The following SYNE2 variants were observed in gnomAD, a reference collection of about 807,000 sequenced individuals.
SYNE2 encodes nesprin-2.
In SYNE2, 431 loss-of-function variants were observed where a neutral mutation model predicts 856.3. The observed-to-expected ratio is 0.50, with a 90% CI of 0.47 to 0.55. The LOEUF is 0.55. Ranked by LOEUF, SYNE2 falls within the 20% of genes least tolerant of loss-of-function variation. The pLI is 0.00. For missense variants in SYNE2, 8,129 were observed against 8,023.2 expected, an observed-to-expected ratio of 1.01 and a Z score of -0.50; for synonymous variants, 2,923 against 2,872.3, an observed-to-expected ratio of 1.02 and a Z score of -0.56.
intron 19 of SYNE2, among the ~76,000 whole-genome samples, chr14:63,987,954 A>G (rs1257779938): frequency 6.6e-6 from 1 of 152,230 alleles, no homozygotes; most frequent in Non-Finnish European, 1.5e-5. Flanking sequence ...GTTTTTAAAC[A>G]GAGTTGTATT....
Position 64,053,193 on chromosome 14 carries a change from G to A in SYNE2, c.9280G>A (p.Ala3094Thr), listed in dbSNP as rs749855395. 1.2e-6 allele frequency: 2 copies of A among 1,614,008 alleles called. No homozygotes were observed. The highest frequency in any genetic ancestry group is 1.7e-4 in the Middle Eastern group (1 of 6,060). ...AATTTTAAGTCAGAGAATTGAGAAA[G>A]CCAAGTGTTTATGTGATGAGATAAT... The part of the protein sequence containing the change: ...AQILSQRIEK[A>T]KCLCDEIIKK... Residue 3094 changes from alanine to threonine, a missense_variant, in exon 48 of 116, where the codon GCC becomes ACC. Ala to Thr is a moderately conservative substitution (Grantham distance 58). Around this residue, in one of 3 missense-constraint regions of SYNE2, gnomAD observed 5,410 missense variants for 5,284.8 expected, o/e 1.02. Coordinates refer to ENST00000555002, the MANE Select transcript of SYNE2 (RefSeq NM_182914.3).
intron 96 of SYNE2, among the ~76,000 whole-genome samples, chr14:64,181,498 C>A (rs2098458001): frequency 2.0e-5 from 3 of 152,194 alleles, no homozygotes; most frequent in Admixed American, 2.0e-4. Flanking sequence ...GGGATCTTTT[C>A]AGCTTTCACG....
rs141295706 is a variant in SYNE2, at chr14:63,796,692, T to C, written c.-305+34706T>C. Among the ~76,000 whole-genome samples the C allele has an allele frequency of 7.4e-3, 1,126 of 151,634 alleles. 5 individuals carry two copies. Among genetic ancestry groups the C allele is most frequent in the Non-Finnish European group, 0.012 (785 of 67,930 alleles). ...TCTAGTTGTACGGCAGGAGGCAATA[T>C]ATATACAAAAAAGATAATGGGCCTT... On this transcript the variant is annotated intron_variant, in intron 1 of 23. Transcript: ENST00000674003.
chr14:64,170,656 C>T (rs528408785), intron 94 of SYNE2, among the ~76,000 whole-genome samples, 194 bp downstream of exon 94: 51 of 152,248 alleles, frequency 3.3e-4, no homozygotes, highest in Admixed American at 7.8e-4. Flanking sequence ...CCCGATATTA[C>T]CCATTCATCC....
chr14:64,224,437 C>T (rs2098709104), intron 113 of SYNE2, 24 bp from the exon 114 acceptor site: 10 of 1,592,888 alleles, frequency 6.3e-6, no homozygotes, highest in Non-Finnish European at 5.1e-6. Flanking sequence ...TTTCTGTGCT[C>T]AACCTTTGGG....
intron 73 of SYNE2, 85 bp downstream of exon 73, chr14:64,126,892 A>G (rs1459745537): frequency 1.4e-5 from 19 of 1,362,524 alleles, no homozygotes; most frequent in South Asian, 7.2e-5. Context: ...TCCTGGTGAC[A>G]TTTGTTAATA....
rs61987277 is a variant in SYNE2 at position 64,126,489 on chromosome 14, T to C, written c.13707+10T>C. 27,655 of 1,614,110 alleles carry C rather than the reference T, an allele frequency of 0.017. 276 individuals are homozygous for C. The highest frequency in any genetic ancestry group is 0.038 in the African/African-American group (2,819 of 75,022). On this transcript the variant is annotated intron_variant, in intron 72 of 115. Transcript: ENST00000555002. ...GCAGGTGCACTACGAGGTAGGGCAC[T>C]TCTCACGAGCCCATGTGTTGGCCAT...
chr14:64,007,029 C>A lies in SYNE2; in HGVS notation c.4398-14C>A. The A allele has an allele frequency of 1.2e-6, 2 of 1,606,134 alleles. No homozygotes were observed. The highest frequency in any genetic ancestry group is 2.2e-5 in the South Asian group (2 of 90,696). ...ACAGTTGGCTATCAAACTTTTTTCTCATTCATAATCAAGGAAAAAATCATT... is the reference window on the plus strand; with the variant it reads ...ACAGTTGGCTATCAAACTTTTTTCTAATTCATAATCAAGGAAAAAATCATT... On this transcript the variant is annotated splice_polypyrimidine_tract_variant and intron_variant, in intron 30 of 115. Coordinates refer to ENST00000555002, the MANE Select transcript of SYNE2 (RefSeq NM_182914.3).
intron 95 of SYNE2, among the ~76,000 whole-genome samples, 160 bp downstream of exon 95, chr14:64,175,298 G>A (rs1294543349): frequency 6.6e-6 from 1 of 152,048 alleles, no homozygotes; most frequent in East Asian, 1.9e-4. Flanking sequence ...AATGTGAAAT[G>A]ATGATATAGC....
At chr14:64,025,821 A>G (rs370448324) in intron 41 of SYNE2, among the ~76,000 whole-genome samples, 11 of 152,290 alleles carry the variant, frequency 7.2e-5, no homozygotes, top group Middle Eastern at 6.8e-3. Flanking sequence ...ATGGTTCATA[A>G]AAGTTTATTA....
intron 94 of SYNE2, among the ~76,000 whole-genome samples, chr14:64,173,682 C>T (rs1450720628): frequency 1.3e-5 from 2 of 152,042 alleles, no homozygotes. Context: ...GATCATAGCT[C>T]ACTGTAACCT....
intron 9 of SYNE2, among the ~76,000 whole-genome samples, chr14:63,962,362 A>T (rs2096331368): frequency 6.6e-6 from 1 of 151,828 alleles, no homozygotes. Flanking sequence ...GGCCTGTCAA[A>T]TTTTTTTGTA....
chr14:64,053,209 A>G lies in SYNE2; in HGVS notation c.9296A>G (p.Asp3099Gly). The G allele has an allele frequency of 6.2e-7, 1 of 1,613,636 alleles. No individual in the cohort carries two copies. The highest frequency in any genetic ancestry group is 1.1e-5 in the South Asian group (1 of 90,852). ...ATTGAGAAAGCCAAGTGTTTATGTG[A>G]TGAGATAATAAAGAAATTAAATGAA... ...QRIEKAKCLCDEIIKKLNENK... is the reference protein window; with the variant it reads ...QRIEKAKCLCGEIIKKLNENK... The change falls in exon 48 of 116, where the codon GAT becomes GGT. Residue 3099 changes from aspartate to glycine, a missense_variant. Asp to Gly is a moderately conservative substitution (Grantham distance 94). Transcript: ENST00000555002.
At position 63,944,278 on chromosome 14, in the gene SYNE2, TTATATA is replaced by T. The variant is rs71123818; in HGVS notation, c.408+2160_408+2165del. 2.6e-3 allele frequency among the ~76,000 whole-genome samples: 373 copies of T among 144,024 alleles called. 4 individuals carry two copies. The highest frequency in any genetic ancestry group is 5.3e-3 in the African/African-American group (207 of 39,150). 94.5% of individuals were successfully genotyped at this position (144,024 alleles called of 152,430 possible). Reference sequence around the variant, plus strand: ...CTCTGATGAACAGCTTTCTGAATTTTTATATATATATATATATATATATATATATAA... The same window carrying T: ...CTCTGATGAACAGCTTTCTGAATTTTTATATATATATATATATATATATAA... On this transcript the variant is annotated intron_variant, in intron 6 of 115. Transcript: ENST00000555002.
At chr14:63,893,556 C>G (rs916612924) in intron 1 of SYNE2, among the ~76,000 whole-genome samples, 1 of 152,014 alleles carries the variant, frequency 6.6e-6, no homozygotes, top group African/African-American at 2.4e-5. Flanking sequence ...AGAGCAAGTC[C>G]CTGTCTCAAA....
intron 1 of SYNE2, among the ~76,000 whole-genome samples, chr14:63,762,877 C>A (rs1386548556): frequency 6.6e-6 from 1 of 152,100 alleles, no homozygotes; most frequent in Non-Finnish European, 1.5e-5. Context: ...ATGGTGAATC[C>A]AGGCAAAGAT....
chr14:63,930,382 AAC>A (rs1566828599), intron 2 of SYNE2, among the ~76,000 whole-genome samples: 1 of 152,084 alleles, frequency 6.6e-6, no homozygotes. Flanking sequence ...ATTTCAATAA[AAC>A]AGTTGTTAAT....
chr14:64,126,284 A>C (rs200770251), intron 71 of SYNE2, 43 bp from the exon 72 acceptor site: 35 of 1,573,872 alleles, frequency 2.2e-5, no homozygotes, highest in Non-Finnish European at 2.9e-5. Context: ...CTAGGAAGGC[A>C]AAGGTATCTT....
intron 6 of SYNE2, among the ~76,000 whole-genome samples, chr14:63,948,788 A>ATATGTATATATATGTATATGTGTGTGTG (rs1566884695): frequency 8.8e-5 from 5 of 57,078 alleles, no homozygotes; most frequent in Admixed American, 1.7e-4. Flanking sequence ...GTGTGTATAT[A>ATATGTATATATATGTATATGTGTGTGTG]TATATATATA....
Sources: gnomAD v4.1 joint callset for allele counts (sites outside exome capture counted in the v4.1 genomes callset) on GRCh38, gnomAD v4.1.1 for gene constraint, gnomAD v4.1.1 regional missense constraint, MANE v1.5 for transcripts, NCBI Gene and HGNC (gene_info 2026-07-23, HGNC 2026-07-21) for gene names.